The following FBXL17 variants were observed in gnomAD, a reference collection of about 807,000 sequenced individuals.
FBXL17 encodes the protein F-box/LRR-repeat protein 17.
A neutral mutation model predicts 66.2 loss-of-function variants in FBXL17; 22 were observed. That is an observed-to-expected ratio of 0.33 (90% CI 0.24 to 0.47). The LOEUF is 0.47. FBXL17 is among the 20% of genes least tolerant of loss of function. The pLI, the probability that FBXL17 is intolerant of heterozygous loss-of-function variation, is 1.00. For missense variants in FBXL17, 878 were observed against 948.2 expected (o/e 0.93, Z 0.97); for synonymous variants, 474 against 400.5 (o/e 1.18, Z -2.19).
At chr5:107,867,641 T>C (rs1748313536) in intron 8 of FBXL17, among the ~76,000 whole-genome samples, 1 of 152,222 alleles carries the variant, frequency 6.6e-6, no homozygotes, top group Admixed American at 6.5e-5. Context: ...AAGAATAAAT[T>C]GTGGACAGGT....
chr5:108,226,882 T>C (rs1755123657), intron 4 of FBXL17, among the ~76,000 whole-genome samples: 1 of 152,164 alleles, frequency 6.6e-6, no homozygotes, highest in Admixed American at 6.6e-5. Context: ...TCTCAGGTCT[T>C]TAAACTTGGA....
chr5:107,984,245 A>G (rs1157444775), intron 7 of FBXL17, among the ~76,000 whole-genome samples: 1 of 152,166 alleles, frequency 6.6e-6, no homozygotes, highest in African/African-American at 2.4e-5. Flanking sequence ...CAGGTATTTA[A>G]AAAACTTCAA....
chr5:108,270,458 T>C (rs1757221436), intron 4 of FBXL17, among the ~76,000 whole-genome samples: 1 of 149,226 alleles, frequency 6.7e-6, no homozygotes, highest in African/African-American at 2.4e-5. Context: ...AATTTATACA[T>C]CATATATTTA....
At chr5:108,320,459 T>G (rs1759566108) in intron 4 of FBXL17, among the ~76,000 whole-genome samples, 1 of 151,786 alleles carries the variant, frequency 6.6e-6, no homozygotes, top group Non-Finnish European at 1.5e-5. Flanking sequence ...AAAAAAAATT[T>G]TTTTTTGGTC....
At chr5:108,245,379 T>TAAAAAAAAACA (rs1561485738) in intron 4 of FBXL17, among the ~76,000 whole-genome samples, 1 of 150,962 alleles carries the variant, frequency 6.6e-6, no homozygotes, top group Non-Finnish European at 1.5e-5. Flanking sequence ...AATTACTTGT[T>TAAAAAAAAACA]AAAAAAAAAC....
intron 6 of FBXL17, among the ~76,000 whole-genome samples, chr5:108,109,046 G>A (rs1749927686): frequency 6.6e-6 from 1 of 152,044 alleles, no homozygotes; most frequent in African/African-American, 2.4e-5. Context: ...GCCTCCCAAA[G>A]TGCTGGGATT....
At chr5:107,942,043 T>C (rs1229778370) in intron 7 of FBXL17, among the ~76,000 whole-genome samples, 2 of 152,140 alleles carry the variant, frequency 1.3e-5, no homozygotes, top group South Asian at 2.1e-4. Context: ...ACCATGTTGG[T>C]CCCTGACCAT....
chr5:108,107,608 T>G (rs917871776), intron 6 of FBXL17, among the ~76,000 whole-genome samples: 13 of 151,580 alleles, frequency 8.6e-5, no homozygotes, highest in Admixed American at 5.2e-4. Flanking sequence ...GTCAGGAGAT[T>G]GAGATCATCC....
chr5:108,159,024 TATA>T (rs1374860854), intron 6 of FBXL17, among the ~76,000 whole-genome samples: 1 of 152,148 alleles, frequency 6.6e-6, no homozygotes, highest in Non-Finnish European at 1.5e-5. Context: ...ACCAGCATAA[TATA>T]AATGTTTCTG....
chr5:108,213,489 G>A (rs1209284702), intron 5 of FBXL17, among the ~76,000 whole-genome samples: 1 of 152,216 alleles, frequency 6.6e-6, no homozygotes. Context: ...CGCAGTATCT[G>A]TGCTGGAGTT....
At chr5:108,327,571 T>A (rs1042721885) in intron 4 of FBXL17, among the ~76,000 whole-genome samples, 2 of 152,170 alleles carry the variant, frequency 1.3e-5, no homozygotes, top group African/African-American at 4.8e-5. Context: ...ACTGTGGATA[T>A]GTTACTAGGA....
At chr5:108,213,565 C>T (rs1754470019) in intron 5 of FBXL17, among the ~76,000 whole-genome samples, 1 of 152,164 alleles carries the variant, frequency 6.6e-6, no homozygotes, top group Admixed American at 6.5e-5. Context: ...CCTTGCGCTT[C>T]CTGGGTGAGG....
chr5:107,945,151 T>C (rs1055040981), intron 7 of FBXL17, among the ~76,000 whole-genome samples: 1 of 152,088 alleles, frequency 6.6e-6, no homozygotes, highest in Non-Finnish European at 1.5e-5. Context: ...TCAATACACA[T>C]ACCTAAAAAG....
At chr5:107,967,161 AT>A (rs1007251879) in intron 7 of FBXL17, among the ~76,000 whole-genome samples, 5 of 151,300 alleles carry the variant, frequency 3.3e-5, no homozygotes, top group Admixed American at 6.6e-5. Flanking sequence ...TAGGATTTCA[AT>A]TTTTTTTTCT....
chr5:107,875,357 C>T (rs2112493504), intron 8 of FBXL17, among the ~76,000 whole-genome samples: 1 of 152,254 alleles, frequency 6.6e-6, no homozygotes, highest in East Asian at 1.9e-4. Context: ...ATATTATTTT[C>T]CCCATAGGGC....
intron 7 of FBXL17, among the ~76,000 whole-genome samples, chr5:107,910,151 G>T (rs1749902220): frequency 6.6e-6 from 1 of 151,858 alleles, no homozygotes; most frequent in Non-Finnish European, 1.5e-5. Context: ...GGTGGGTAAA[G>T]GCCTGGCCAT....
chr5:108,041,784 A>G (rs1223754756), intron 6 of FBXL17, among the ~76,000 whole-genome samples: 1 of 152,170 alleles, frequency 6.6e-6, no homozygotes. Flanking sequence ...AAATTTCGAG[A>G]AATACAAAAA....
At position 108,331,855 on chromosome 5, in the gene FBXL17, G is replaced by C. The variant is rs1580832074; in HGVS notation, c.1506+16544C>G. On this transcript the variant is annotated intron_variant, in intron 4 of 8. Coordinates refer to ENST00000542267, the MANE Select transcript of FBXL17 (RefSeq NM_001163315.3). ...AAAAGACCTCGTTATCCATATTTAT[G>C]AATATAACTTATAAATGAAAAATGC... Among the ~76,000 whole-genome samples the C allele has an allele frequency of 2.0e-5, 3 of 152,184 alleles. No homozygotes were observed. In the South Asian group the frequency reaches 6.2e-4, roughly 32 times the overall value.
chr5:107,982,119 A>G (rs747149649), intron 7 of FBXL17, among the ~76,000 whole-genome samples: 5 of 152,204 alleles, frequency 3.3e-5, no homozygotes, highest in Non-Finnish European at 7.4e-5. Flanking sequence ...AAAAGAGGCA[A>G]AGATGAATAT....
Sources: gnomAD v4.1 joint callset for allele counts (sites outside exome capture counted in the v4.1 genomes callset) on GRCh38, gnomAD v4.1.1 for gene constraint, MANE v1.5 for transcripts, NCBI Gene and HGNC (gene_info 2026-07-23, HGNC 2026-07-21) for gene names.